The following GPBP1 variants were observed in gnomAD, a reference collection of about 807,000 sequenced individuals.
GPBP1 encodes GC-rich promoter binding protein 1, also known as vasculin.
Under a neutral mutation model 56.5 loss-of-function variants are expected in GPBP1, and 13 were observed. The ratio of observed to expected loss-of-function variants is 0.23; its 90% CI spans 0.15 to 0.37. The LOEUF (loss-of-function observed/expected upper bound fraction) is 0.37, where lower values mean the gene tolerates loss of function less well. GPBP1 is among the 10% of genes least tolerant of loss of function. The pLI, the probability that GPBP1 is intolerant of heterozygous loss-of-function variation, is 1.00. For missense variants in GPBP1, 477 were observed against 572.3 expected, an observed-to-expected ratio of 0.83 and a Z score of 1.70; for synonymous variants, 204 against 188.9, an observed-to-expected ratio of 1.08 and a Z score of -0.66.
intron 6 of GPBP1, among the ~76,000 whole-genome samples, chr5:57,240,131 G>T (rs1035530773): frequency 3.9e-5 from 6 of 151,968 alleles, no homozygotes; most frequent in Admixed American, 3.3e-4. Flanking sequence ...TGTGTCTGTA[G>T]TCTTAGCTAC....
chr5:57,248,537 C>T (rs1741210420), intron 8 of GPBP1, among the ~76,000 whole-genome samples: 1 of 150,718 alleles, frequency 6.6e-6, no homozygotes, highest in Non-Finnish European at 1.5e-5. Flanking sequence ...ACGCCATTCT[C>T]CTGCCTCAGC....
At chr5:57,221,288 G>A (rs1051200281) in intron 3 of GPBP1, 15 of 792,056 alleles carry the variant, frequency 1.9e-5, no homozygotes, top group East Asian at 5.0e-5. Context: ...TACCTGTGGC[G>A]CACTAGTTTT....
chr5:57,183,112 T>A (rs995188898), intron 2 of GPBP1, among the ~76,000 whole-genome samples: 1 of 152,042 alleles, frequency 6.6e-6, no homozygotes, highest in African/African-American at 2.4e-5. Context: ...ATGCCTGTAA[T>A]CCCAGCACTT....
In GPBP1 at chr5:57,177,535, A is replaced by C. The variant is rs535315636; in HGVS notation, c.-58+1135A>C. Reference sequence around the variant, plus strand: ...GTTGCCCAGGATGGAGTACAATGGCATGATTTTGGCTCACTGCAGCCTCCG... The same window carrying C: ...GTTGCCCAGGATGGAGTACAATGGCCTGATTTTGGCTCACTGCAGCCTCCG... On this transcript the variant is annotated intron_variant, in intron 2 of 11. Transcript: ENST00000506184. 2.6e-5 allele frequency among the ~76,000 whole-genome samples: 4 copies of C among 151,496 alleles called. No homozygotes were observed. The East Asian group carries it at 7.8e-4, about 30-fold the overall frequency.
intron 2 of GPBP1, among the ~76,000 whole-genome samples, chr5:57,200,563 T>G (rs1343673319): frequency 6.6e-6 from 1 of 151,906 alleles, no homozygotes; most frequent in Non-Finnish European, 1.5e-5. Flanking sequence ...GAGTCAGGGT[T>G]TCACCAAGTT....
chr5:57,201,075 C>T (rs774872939), intron 2 of GPBP1, among the ~76,000 whole-genome samples: 23 of 152,178 alleles, frequency 1.5e-4, no homozygotes, highest in Admixed American at 7.2e-4. Flanking sequence ...CTGCCCTCCT[C>T]GGCCTCCCAG....
chr5:57,226,658 C>G (rs1297778895), intron 3 of GPBP1, among the ~76,000 whole-genome samples: 1 of 139,258 alleles, frequency 7.2e-6, no homozygotes, highest in Non-Finnish European at 1.5e-5. Flanking sequence ...CTGCTGGGTT[C>G]AGGCAGTTCT....
At chr5:57,206,328 C>G (rs1755232944) in intron 2 of GPBP1, among the ~76,000 whole-genome samples, 1 of 152,048 alleles carries the variant, frequency 6.6e-6, no homozygotes, top group Non-Finnish European at 1.5e-5. Context: ...GAAGCTTTAT[C>G]TCCCTGTTTT....
At chr5:57,229,843 T>C (rs893420108) in intron 3 of GPBP1, among the ~76,000 whole-genome samples, 5 of 151,558 alleles carry the variant, frequency 3.3e-5, no homozygotes, top group African/African-American at 1.2e-4. Flanking sequence ...CTGGCCTTTT[T>C]CAAACATTTA....
chr5:57,239,954 T>C (rs1740745322), intron 6 of GPBP1, among the ~76,000 whole-genome samples: 1 of 152,090 alleles, frequency 6.6e-6, no homozygotes, highest in East Asian at 1.9e-4. Context: ...GTGATAAGTT[T>C]TCTCTTCAAA....
intron 3 of GPBP1, among the ~76,000 whole-genome samples, chr5:57,225,511 AC>A (rs1225424156): frequency 1.6e-4 from 23 of 145,882 alleles, no homozygotes; most frequent in Middle Eastern, 7.2e-3. Flanking sequence ...AAAAAAAAAA[AC>A]AAACTGGTAT....
At chr5:57,190,359 T>C (rs548659310) in intron 2 of GPBP1, among the ~76,000 whole-genome samples, 53 of 152,060 alleles carry the variant, frequency 3.5e-4, no homozygotes, top group African/African-American at 1.3e-3. Context: ...CCGAGGCAGG[T>C]GGATCACCTG....
At chr5:57,195,603 A>C (rs1754706994) in intron 2 of GPBP1, among the ~76,000 whole-genome samples, 1 of 152,166 alleles carries the variant, frequency 6.6e-6, no homozygotes, top group African/African-American at 2.4e-5. Context: ...GACTGGAGTA[A>C]GATGTATTTG....
chr5:57,212,493 T>C (rs2111756244), intron 2 of GPBP1, among the ~76,000 whole-genome samples: 1 of 152,220 alleles, frequency 6.6e-6, no homozygotes, highest in East Asian at 1.9e-4. Flanking sequence ...AAAACCTGTA[T>C]TTTGTTTCAT....
intron 3 of GPBP1, 187 bp from the exon 4 acceptor site, chr5:57,230,659 T>C (rs1756411476): frequency 1.6e-6 from 1 of 612,656 alleles, no homozygotes; most frequent in Non-Finnish European, 2.9e-6. Context: ...TTCCATTAGA[T>C]AGAAGAAAAT....
chr5:57,246,197 T>TA (rs11349725), intron 6 of GPBP1, 103 bp from the exon 7 acceptor site: 11,995 of 683,578 alleles, frequency 0.018, no homozygotes, highest in Non-Finnish European at 0.021. Context: ...AGCTGTTAGT[T>TA]AAAAAAAAAA....
intron 6 of GPBP1, among the ~76,000 whole-genome samples, chr5:57,240,907 G>A (rs1053035882): frequency 2.0e-5 from 3 of 151,622 alleles, no homozygotes; most frequent in Non-Finnish European, 4.4e-5. Flanking sequence ...AGCTGAAATC[G>A]CGCCATTGCA....
chr5:57,193,613 C>CAAAA (rs1194542329), intron 2 of GPBP1, among the ~76,000 whole-genome samples: 23 of 61,474 alleles, frequency 3.7e-4, no homozygotes, highest in African/African-American at 1.2e-3. Flanking sequence ...GACCCTGTCT[C>CAAAA]AAAAAAAAAA....
At chr5:57,216,639 T>G (rs1334951792) in intron 3 of GPBP1, among the ~76,000 whole-genome samples, 5 of 152,082 alleles carry the variant, frequency 3.3e-5, no homozygotes, top group Non-Finnish European at 7.4e-5. Flanking sequence ...GGAGCCGAGA[T>G]CGTGCCACTG....
Sources: allele counts gnomAD v4.1 joint callset (sites outside exome capture counted in the v4.1 genomes callset), GRCh38; gene constraint gnomAD v4.1.1; transcripts MANE v1.5; gene names NCBI Gene and HGNC (gene_info 2026-07-23, HGNC 2026-07-21).